CTNNA2: variants seen among roughly 807,000 people sequenced by gnomAD.
The protein encoded by CTNNA2 is catenin alpha 2.
In CTNNA2, 42 loss-of-function variants were observed where a neutral mutation model predicts 101.0. That is an observed-to-expected ratio of 0.42 (90% CI 0.32 to 0.54). The LOEUF is 0.54. CTNNA2 is among the 20% of genes least tolerant of loss of function. CTNNA2 has a pLI of 0.14. For missense variants in CTNNA2, 871 were observed against 1,223.1 expected, an observed-to-expected ratio of 0.71 and a Z score of 4.29; for synonymous variants, 450 against 456.4, an observed-to-expected ratio of 0.99 and a Z score of 0.18.
intron 2 of CTNNA2, among the ~76,000 whole-genome samples, chr2:79,295,106 T>C (rs906404117): frequency 6.6e-6 from 1 of 152,110 alleles, no homozygotes; most frequent in African/African-American, 2.4e-5. Flanking sequence ...CTGTGCTTTA[T>C]TTTTTGACTA....
chr2:79,572,947 A>G (rs1675551267), intron 1 of CTNNA2, among the ~76,000 whole-genome samples: 1 of 152,160 alleles, frequency 6.6e-6, no homozygotes, highest in South Asian at 2.1e-4. Flanking sequence ...AGTTGCTGCC[A>G]CGGCCAGAAT....
At chr2:80,076,293 T>C (rs1698746441) in intron 7 of CTNNA2, among the ~76,000 whole-genome samples, 3 of 151,956 alleles carry the variant, frequency 2.0e-5, no homozygotes. Flanking sequence ...TTTTTTTTCT[T>C]TTTTAGATAG....
At chr2:80,612,947 G>A (rs367984515) in intron 17 of CTNNA2, 82 of 151,518 alleles carry the variant, frequency 5.4e-4, no homozygotes, top group Middle Eastern at 3.4e-3. Flanking sequence ...CAGACCTTCC[G>A]TGCTTAAAGG....
intron 7 of CTNNA2, among the ~76,000 whole-genome samples, chr2:80,112,542 G>T (rs539716925): frequency 1.3e-5 from 2 of 152,208 alleles, no homozygotes; most frequent in South Asian, 4.1e-4. Context: ...ATATCTTCTA[G>T]ATGAGTAATC....
chr2:80,614,837 T>TG, intron 17 of CTNNA2, among the ~76,000 whole-genome samples: 1 of 151,400 alleles, frequency 6.6e-6, no homozygotes, highest in East Asian at 1.9e-4. Context: ...CAAATAATTA[T>TG]GGGAAGCCAA....
At chr2:80,357,342 G>A (rs960909284) in intron 7 of CTNNA2, among the ~76,000 whole-genome samples, 1 of 151,652 alleles carries the variant, frequency 6.6e-6, no homozygotes, top group Non-Finnish European at 1.5e-5. Flanking sequence ...AAGAAAGAAG[G>A]TAGCATGATG....
chr2:80,302,434 C>T lies in CTNNA2; in HGVS notation c.1057-90777C>T, dbSNP rs1676414712. 1.2e-6 allele frequency: 2 copies of T among 1,614,234 alleles called. No homozygotes were observed. The highest frequency in any genetic ancestry group is 2.2e-5 in the East Asian group (1 of 44,884). On this transcript the variant is annotated intron_variant, in intron 7 of 18. Transcript: ENST00000402739. The surrounding 1 kb of genome is among the most constrained non-coding windows in gnomAD (Gnocchi z 6.4). The stretch of plus-strand genomic sequence containing the variant: ...GCTTCCTGCGCTGCGTGACAAAGCA[C>T]TGTCTGAGCTGCCTGAGGCTGGCTG...
intron 7 of CTNNA2, among the ~76,000 whole-genome samples, chr2:79,984,700 G>C (rs1180758184): frequency 2.6e-5 from 4 of 152,118 alleles, no homozygotes; most frequent in Non-Finnish European, 4.4e-5. Flanking sequence ...CACAGAGTGA[G>C]ACTCACAGAG....
At chr2:79,411,633 T>C (rs1183009834) in intron 4 of CTNNA2, among the ~76,000 whole-genome samples, 1 of 152,030 alleles carries the variant, frequency 6.6e-6, no homozygotes, top group Non-Finnish European at 1.5e-5. Context: ...GAATTTCACA[T>C]CCAGCCAAAC....
chr2:80,441,446 T>C (rs1682564596), intron 9 of CTNNA2, among the ~76,000 whole-genome samples: 1 of 152,210 alleles, frequency 6.6e-6, no homozygotes, highest in Admixed American at 6.5e-5. Flanking sequence ...TTGTTAGTTT[T>C]GTTGACAGTA....
intron 7 of CTNNA2, among the ~76,000 whole-genome samples, chr2:80,084,651 G>A (rs1699337064): frequency 6.6e-6 from 1 of 152,032 alleles, no homozygotes; most frequent in Admixed American, 6.6e-5. Flanking sequence ...ACACCTCCAG[G>A]ATGGTATAAG....
chr2:79,670,340 G>A (rs1487446280), intron 2 of CTNNA2, among the ~76,000 whole-genome samples: 1 of 152,142 alleles, frequency 6.6e-6, no homozygotes, highest in East Asian at 1.9e-4. Context: ...ACAGTTTAGG[G>A]AGCTGTAGCC....
At chr2:80,380,657 C>T (rs1676437607) in intron 7 of CTNNA2, among the ~76,000 whole-genome samples, 1 of 152,074 alleles carries the variant, frequency 6.6e-6, no homozygotes, top group African/African-American at 2.4e-5. Flanking sequence ...TTGTGTTTTC[C>T]TTCCCTACAG....
chr2:80,213,869 A>G (rs967681066), intron 7 of CTNNA2, among the ~76,000 whole-genome samples: 9 of 152,166 alleles, frequency 5.9e-5, no homozygotes, highest in Non-Finnish European at 1.3e-4. Flanking sequence ...GTTGGTCTCT[A>G]AGGACTTGCT....
At chr2:80,169,181 A>G (rs1704890405) in intron 7 of CTNNA2, among the ~76,000 whole-genome samples, 1 of 152,192 alleles carries the variant, frequency 6.6e-6, no homozygotes, top group African/African-American at 2.4e-5. Flanking sequence ...GAAAACAGTG[A>G]TGCTGTGGAT....
At chr2:80,509,353 C>T (rs114853869) in intron 9 of CTNNA2, among the ~76,000 whole-genome samples, 3,067 of 152,208 alleles carry the variant, frequency 0.02, 112 homozygotes, top group African/African-American at 0.069. Flanking sequence ...GCTTTTCAGT[C>T]CCCTAATCCC....
chr2:79,810,997 T>C (rs1483484397), intron 3 of CTNNA2, among the ~76,000 whole-genome samples: 3 of 151,488 alleles, frequency 2.0e-5, no homozygotes, highest in Non-Finnish European at 4.4e-5. Context: ...TACGTGTGCA[T>C]GTGTCTTTAT....
At chr2:79,633,181 A>G (rs1679806711) in intron 1 of CTNNA2, among the ~76,000 whole-genome samples, 1 of 152,192 alleles carries the variant, frequency 6.6e-6, no homozygotes, top group Admixed American at 6.5e-5. Flanking sequence ...TTCAGTCTTG[A>G]TTAATTTAAT....
chr2:80,613,630 A>T (rs1698634176), intron 17 of CTNNA2, among the ~76,000 whole-genome samples: 2 of 151,274 alleles, frequency 1.3e-5, no homozygotes, highest in Non-Finnish European at 3.0e-5. Flanking sequence ...TATGGCCATT[A>T]AAAAAAATCA....
Sources: allele counts gnomAD v4.1 joint callset (sites outside exome capture counted in the v4.1 genomes callset), GRCh38; gene constraint gnomAD v4.1.1; non-coding constraint Gnocchi (gnomAD v3.1); transcripts MANE v1.5; gene names NCBI Gene and HGNC (gene_info 2026-07-23, HGNC 2026-07-21).